Variants in CYB5D2 observed in about 807,000 individuals in gnomAD.
CYB5D2 encodes the protein neuferricin.
A neutral mutation model predicts 22.8 loss-of-function variants in CYB5D2; 23 were observed. The observed-to-expected ratio is 1.01, with a 90% CI of 0.73 to 1.43. The LOEUF (loss-of-function observed/expected upper bound fraction) is 1.43. Among genes scored for constraint, CYB5D2 ranks in the 40% most tolerant of loss-of-function variants. The pLI is 0.00. For missense variants in CYB5D2, 373 were observed against 357.2 expected, an observed-to-expected ratio of 1.04 and a Z score of -0.36; for synonymous variants, 170 against 152.2, an observed-to-expected ratio of 1.12 and a Z score of -0.86.
intron 2 of CYB5D2, among the ~76,000 whole-genome samples, chr17:4,151,326 C>T (rs2059055474): frequency 6.6e-6 from 1 of 152,136 alleles, no homozygotes; most frequent in East Asian, 1.9e-4. Flanking sequence ...TCTTCCCTTT[C>T]CCAATGAAGT....
chr17:4,155,781 C>T (rs2059107282), intron 3 of CYB5D2, among the ~76,000 whole-genome samples: 1 of 152,220 alleles, frequency 6.6e-6, no homozygotes, highest in Admixed American at 6.5e-5. Flanking sequence ...GGCCCTGCCT[C>T]CTTTTCCCTC....
At chr17:4,155,358 C>T (rs2059102984) in intron 3 of CYB5D2, among the ~76,000 whole-genome samples, 1 of 152,124 alleles carries the variant, frequency 6.6e-6, no homozygotes, top group Non-Finnish European at 1.5e-5. Flanking sequence ...TGGGCCACAC[C>T]TGTGGTCCTG....
chr17:4,149,063 T>G (rs967984571), intron 1 of CYB5D2, among the ~76,000 whole-genome samples: 59 of 152,042 alleles, frequency 3.9e-4, no homozygotes, highest in Non-Finnish European at 7.4e-4. Flanking sequence ...TTATTCAGCT[T>G]CTTGAGGAGC....
rs770986583 is a variant in CYB5D2, at chr17:4,143,904, CAGGGGACCCGGGCCTGTA to C, written c.150_167del (p.Gly51_Tyr56del). The C allele has an allele frequency of 6.8e-6, 11 of 1,613,948 alleles. No homozygotes were observed. In the Admixed American group the frequency reaches 1.5e-4, roughly 22 times the overall value. ...GAGCTGTCTCGCTACCGCGGCGGCC[CAGGGGACCCGGGCCTGTA>C]CTTGGCGTTGCTCGGCCGTGTCTAC... On this transcript the variant is annotated inframe_deletion, in exon 1 of 4. Coordinates refer to ENST00000301391, the MANE Select transcript of CYB5D2 (RefSeq NM_144611.4).
chr17:4,154,807 C>T lies in CYB5D2; in HGVS notation c.525C>T (p.Cys175=), dbSNP rs2059096351. Residue 175 remains cysteine, a synonymous_variant, in exon 3 of 4, where the codon TGC becomes TGT. Transcript: ENST00000301391. ...AAGAGAAGCAGACATTCCCGCCGTG[C>T]AACGCGGAGTGGAGCTCAGCCAGGG... ...QLQEKQTFPP[C]NAEWSSARGS... The T allele has an allele frequency of 1.2e-6, 2 of 1,614,212 alleles. No homozygotes were observed. Among genetic ancestry groups the T allele is most frequent in the Non-Finnish European group, 1.7e-6 (2 of 1,180,046 alleles).
intron 2 of CYB5D2, among the ~76,000 whole-genome samples, chr17:4,150,388 C>G (rs1209638131): frequency 2.0e-5 from 3 of 152,172 alleles, no homozygotes; most frequent in African/African-American, 7.2e-5. Flanking sequence ...GGGCTTGAAG[C>G]CTGAATTTGT....
chr17:4,144,825 C>T (rs907585525), intron 1 of CYB5D2, among the ~76,000 whole-genome samples: 7 of 151,922 alleles, frequency 4.6e-5, no homozygotes, highest in African/African-American at 1.5e-4. Context: ...CTCGCTGTGT[C>T]GCCCAGGCTG....
At chr17:4,150,733 A>G (rs532522049) in intron 2 of CYB5D2, among the ~76,000 whole-genome samples, 1 of 152,304 alleles carries the variant, frequency 6.6e-6, no homozygotes, top group East Asian at 1.9e-4. Flanking sequence ...AAAAAATACA[A>G]AAATTACCTG....
In CYB5D2 at chr17:4,144,018, C is replaced by A. The variant is rs750166987; in HGVS notation, c.250+13C>A. The A allele has an allele frequency of 1.9e-6, 3 of 1,572,780 alleles. No individual in the cohort carries two copies. The highest frequency in any genetic ancestry group is 4.5e-5 in the East Asian group (2 of 44,334). On this transcript the variant is annotated intron_variant, in intron 1 of 3. Coordinates refer to ENST00000301391, the MANE Select transcript of CYB5D2 (RefSeq NM_144611.4). ...AGCGGCTTCGCAGGTATCAGCGAGG[C>A]TGCTCACGCCTTTCTCTCCGCTGGC...
At chr17:4,154,343 A>C (rs2059089678) in intron 2 of CYB5D2, among the ~76,000 whole-genome samples, 1 of 152,246 alleles carries the variant, frequency 6.6e-6, no homozygotes, top group African/African-American at 2.4e-5. Flanking sequence ...CATTAATTGA[A>C]TACCCAGCGT....
chr17:4,157,337 C>T lies in CYB5D2; in HGVS notation c.*255C>T. Reference sequence around the variant, plus strand: ...CCTTTGACCTACTGGCCATCTTCCTCACAGCCCTCAGATATCAACGGGCAC... The same window carrying T: ...CCTTTGACCTACTGGCCATCTTCCTTACAGCCCTCAGATATCAACGGGCAC... On this transcript the variant is annotated 3_prime_UTR_variant, in exon 4 of 4. Coordinates refer to ENST00000301391, the MANE Select transcript of CYB5D2 (RefSeq NM_144611.4). This position sits in a 1 kb window ranked among gnomAD's most constrained non-coding sequence, Gnocchi z 4.4. The T allele has an allele frequency of 1.8e-6, 1 of 550,670 alleles. No individual in the cohort carries two copies. The highest frequency in any genetic ancestry group is 3.3e-6 in the Non-Finnish European group (1 of 306,540). 34.1% of individuals were successfully genotyped at this position (550,670 alleles called of 1,614,324 possible). A position where few individuals can be genotyped will look rare whatever the true frequency, so the allele number is the denominator to read the frequency against.
At chr17:4,149,684 C>A (rs1018109775) in intron 1 of CYB5D2, among the ~76,000 whole-genome samples, 4 of 152,018 alleles carry the variant, frequency 2.6e-5, no homozygotes, top group African/African-American at 9.7e-5. Context: ...CTGTAATCCC[C>A]GCTACTCTGG....
At chr17:4,156,724 G>A in intron 3 of CYB5D2, 142 bp from the exon 4 acceptor site, 1 of 863,728 alleles carries the variant, frequency 1.2e-6, no homozygotes, top group Non-Finnish European at 1.8e-6. Context: ...CTCAGGGGCT[G>A]AGCGCTGTAG....
intron 1 of CYB5D2, among the ~76,000 whole-genome samples, chr17:4,146,930 T>G (rs2142993127): frequency 6.6e-6 from 1 of 152,272 alleles, no homozygotes; most frequent in South Asian, 2.1e-4. Context: ...GTTTTAAGGG[T>G]TCATCCATGG....
intron 1 of CYB5D2, among the ~76,000 whole-genome samples, chr17:4,145,964 A>G (rs2058986119): frequency 6.6e-6 from 1 of 151,978 alleles, no homozygotes; most frequent in Non-Finnish European, 1.5e-5. Flanking sequence ...ACGTGCAGCT[A>G]ATTTTTGTAT....
intron 1 of CYB5D2, among the ~76,000 whole-genome samples, chr17:4,147,840 C>G (rs765526124): frequency 2.0e-5 from 3 of 152,050 alleles, no homozygotes; most frequent in Non-Finnish European, 1.5e-5. Flanking sequence ...GCAACAAGAG[C>G]GAAACTCTGT....
chr17:4,147,269 T>A lies in CYB5D2; in HGVS notation c.251-2622T>A, dbSNP rs181738177. On this transcript the variant is annotated intron_variant, in intron 1 of 3. Transcript: ENST00000301391. Reference sequence around the variant, plus strand: ...CTGGGCGATACAGCGAGACTCTATCTCAAAAAAGAAAAAAACTATGTATTT... The same window carrying A: ...CTGGGCGATACAGCGAGACTCTATCACAAAAAAGAAAAAAACTATGTATTT... Among the ~76,000 whole-genome samples, 860 of 151,908 alleles carry A rather than the reference T, an allele frequency of 5.7e-3. 6 individuals are homozygous for A. Among genetic ancestry groups the A allele is most frequent in the Non-Finnish European group, 7.4e-3 (505 of 67,924 alleles).
intron 2 of CYB5D2, among the ~76,000 whole-genome samples, chr17:4,151,802 C>G (rs1177896664): frequency 6.6e-6 from 1 of 152,048 alleles, no homozygotes; most frequent in Non-Finnish European, 1.5e-5. Flanking sequence ...GTCAGGAGTT[C>G]AAGACCAGCC....
intron 1 of CYB5D2, among the ~76,000 whole-genome samples, chr17:4,148,755 C>G (rs957048323): frequency 4.6e-5 from 7 of 152,072 alleles, no homozygotes; most frequent in Admixed American, 1.3e-4. Flanking sequence ...ACCCGTGAGG[C>G]AGAGGATGCA....
Sources: allele counts gnomAD v4.1 joint callset (sites outside exome capture counted in the v4.1 genomes callset), GRCh38; gene constraint gnomAD v4.1.1; non-coding constraint Gnocchi (gnomAD v3.1); transcripts MANE v1.5; gene names NCBI Gene and HGNC (gene_info 2026-07-23, HGNC 2026-07-21).